BNC2: variants seen among roughly 807,000 people sequenced by gnomAD.
BNC2 encodes the protein zinc finger protein basonuclin-2.
Under a neutral mutation model 76.3 loss-of-function variants are expected in BNC2, and 20 were observed. That is an observed-to-expected ratio of 0.26 (90% CI 0.18 to 0.38). BNC2 has a LOEUF of 0.38. Ranked by LOEUF, BNC2 falls within the 10% of genes least tolerant of loss-of-function variation. The pLI is 1.00. For missense variants in BNC2, 1,382 were observed against 1,399.8 expected (o/e 0.99, Z 0.20); for synonymous variants, 582 against 514.8 (o/e 1.13, Z -1.77).
At chr9:16,829,304 G>C (rs902286917) in intron 1 of BNC2, among the ~76,000 whole-genome samples, 2 of 152,292 alleles carry the variant, frequency 1.3e-5, no homozygotes, top group East Asian at 3.9e-4. Context: ...CTTCAGGGTA[G>C]GGCTGTCTCC....
intron 1 of BNC2, among the ~76,000 whole-genome samples, chr9:16,792,468 C>A (rs2012653500): frequency 6.6e-6 from 1 of 152,122 alleles, no homozygotes; most frequent in African/African-American, 2.4e-5. Context: ...TCATATAATT[C>A]AAAGATCATT....
chr9:16,758,441 C>T (rs181616661), intron 1 of BNC2, among the ~76,000 whole-genome samples: 90 of 152,172 alleles, frequency 5.9e-4, no homozygotes, highest in African/African-American at 2.2e-3. Flanking sequence ...CAAGATTCTC[C>T]TGCCTCAGCT....
At chr9:16,546,340 C>T (rs1818482001) in intron 5 of BNC2, among the ~76,000 whole-genome samples, 2 of 152,094 alleles carry the variant, frequency 1.3e-5, no homozygotes, top group South Asian at 4.1e-4. Flanking sequence ...AGATTTAACC[C>T]AATCTTGTCT....
intron 1 of BNC2, among the ~76,000 whole-genome samples, chr9:16,790,747 T>A (rs1404283317): frequency 6.6e-6 from 1 of 151,810 alleles, no homozygotes; most frequent in African/African-American, 2.4e-5. Flanking sequence ...TAGTTATCTT[T>A]CACTAAGTGC....
intron 4 of BNC2, among the ~76,000 whole-genome samples, chr9:16,561,820 G>A (rs1378421839): frequency 6.6e-6 from 1 of 151,906 alleles, no homozygotes; most frequent in Non-Finnish European, 1.5e-5. Flanking sequence ...CCTGGGCAAC[G>A]TGGTGAAACC....
At chr9:16,550,548 G>A (rs528207681) in intron 5 of BNC2, among the ~76,000 whole-genome samples, 10 of 152,272 alleles carry the variant, frequency 6.6e-5, no homozygotes, top group African/African-American at 2.4e-4. Context: ...ACATTATCAG[G>A]CTTTATGTTT....
intron 5 of BNC2, among the ~76,000 whole-genome samples, chr9:16,518,587 TG>T (rs1419419345): frequency 2.4e-4 from 30 of 126,262 alleles, no homozygotes; most frequent in African/African-American, 1.3e-3. Flanking sequence ...TATTTTTTGT[TG>T]TTGTTGTTGT....
intron 5 of BNC2, among the ~76,000 whole-genome samples, chr9:16,446,077 T>C (rs1032932486): frequency 4.6e-5 from 7 of 152,320 alleles, no homozygotes; most frequent in African/African-American, 1.7e-4. Flanking sequence ...ATCTTCTTTC[T>C]GTAAACACTG....
chr9:16,785,691 T>C (rs1205800091), intron 1 of BNC2, among the ~76,000 whole-genome samples: 2 of 151,396 alleles, frequency 1.3e-5, no homozygotes, highest in Non-Finnish European at 2.9e-5. Context: ...GCCCAGCCTA[T>C]GTATTTATTT....
At chr9:16,681,968 C>G (rs1349677278) in intron 3 of BNC2, among the ~76,000 whole-genome samples, 1 of 151,972 alleles carries the variant, frequency 6.6e-6, no homozygotes, top group African/African-American at 2.4e-5. Context: ...GGCTACTGGT[C>G]CACTTAGACT....
intron 3 of BNC2, among the ~76,000 whole-genome samples, chr9:16,660,408 C>T (rs1031527944): frequency 2.7e-5 from 4 of 150,792 alleles, no homozygotes; most frequent in African/African-American, 9.8e-5. Context: ...GAGCTGAGAT[C>T]GTGCCACTGC....
intron 3 of BNC2, among the ~76,000 whole-genome samples, chr9:16,641,752 C>T (rs923161903): frequency 2.6e-5 from 4 of 152,082 alleles, no homozygotes; most frequent in Non-Finnish European, 4.4e-5. Context: ...AGCATATATA[C>T]AAAGATATGG....
chr9:16,811,133 G>C (rs778213172), intron 1 of BNC2, among the ~76,000 whole-genome samples: 3 of 148,570 alleles, frequency 2.0e-5, no homozygotes, highest in Non-Finnish European at 1.5e-5. Context: ...TGAGGCAGGA[G>C]AATGGCATGA....
At chr9:16,643,569 T>C (rs1821547254) in intron 3 of BNC2, among the ~76,000 whole-genome samples, 2 of 152,088 alleles carry the variant, frequency 1.3e-5, no homozygotes, top group Non-Finnish European at 2.9e-5. Context: ...TGGTGTAGCA[T>C]CTTAGGAGCT....
At chr9:16,789,240 C>CA (rs1249373674) in intron 1 of BNC2, among the ~76,000 whole-genome samples, 5 of 151,948 alleles carry the variant, frequency 3.3e-5, no homozygotes, top group African/African-American at 1.2e-4. Flanking sequence ...GTTAGTCACT[C>CA]AGGAGCACTG....
chr9:16,644,683 T>C (rs1039581188), intron 3 of BNC2, among the ~76,000 whole-genome samples: 4 of 152,176 alleles, frequency 2.6e-5, no homozygotes, highest in African/African-American at 7.2e-5. Context: ...GTTAACACAG[T>C]GTCAGTCTAA....
chr9:16,512,941 G>A (rs1330708559), intron 5 of BNC2, among the ~76,000 whole-genome samples: 1 of 152,068 alleles, frequency 6.6e-6, no homozygotes, highest in African/African-American at 2.4e-5. Flanking sequence ...TTCGAGACCA[G>A]CCTGGCCAAC....
chr9:16,703,799 G>C (rs1832817485), intron 3 of BNC2, among the ~76,000 whole-genome samples: 1 of 152,004 alleles, frequency 6.6e-6, no homozygotes, highest in African/African-American at 2.4e-5. Context: ...TTGAATTTTT[G>C]TTACATGACT....
At chr9:16,509,495 G>T (rs1021644142) in intron 5 of BNC2, among the ~76,000 whole-genome samples, 5 of 152,062 alleles carry the variant, frequency 3.3e-5, no homozygotes, top group African/African-American at 1.2e-4. Context: ...TCCATACCAC[G>T]TCACAAGGTT....
Sources: allele counts gnomAD v4.1 joint callset (sites outside exome capture counted in the v4.1 genomes callset), GRCh38; gene constraint gnomAD v4.1.1; transcripts MANE v1.5; gene names NCBI Gene and HGNC (gene_info 2026-07-23, HGNC 2026-07-21).